The following TUT4 variants were observed in gnomAD, a reference collection of about 807,000 sequenced individuals.
The protein encoded by TUT4 is terminal uridylyl transferase 4, also known as terminal uridylyltransferase 4.
In TUT4, 36 loss-of-function variants were observed where a neutral mutation model predicts 192.2. The observed-to-expected ratio is 0.19, with a 90% CI of 0.14 to 0.25. The LOEUF is 0.25. Ranked by LOEUF, TUT4 falls within the 10% of genes least tolerant of loss-of-function variation. The pLI is 1.00. For missense variants in TUT4, 1,493 were observed against 1,957.2 expected, an observed-to-expected ratio of 0.76 and a Z score of 4.47; for synonymous variants, 618 against 666.0, an observed-to-expected ratio of 0.93 and a Z score of 1.11.
At chr1:52,536,882 T>C (rs539241414) in intron 1 of TUT4, among the ~76,000 whole-genome samples, 1 of 149,072 alleles carries the variant, frequency 6.7e-6, no homozygotes, top group South Asian at 2.1e-4. Flanking sequence ...TTTTAAAAAA[T>C]AGGCCGGGCG....
At position 52,423,568 on chromosome 1, in the gene TUT4, A is replaced by G. The variant is rs1277189736; in HGVS notation, c.*367T>C. On this transcript the variant is annotated 3_prime_UTR_variant, in exon 30 of 30. Transcript: ENST00000257177. ...CAAAGTATGAATACAGCTAATAGAA[A>G]ATAAAGAATGTAATTTTTTAAATTC... is the stretch of plus-strand genomic sequence containing the variant. 3.4e-6 allele frequency: 1 copy of G among 298,014 alleles called. No individual in the cohort carries two copies. Among genetic ancestry groups the G allele is most frequent in the East Asian group, 9.0e-5 (1 of 11,106 alleles). The allele number at this position is 298,014 out of a possible 1,614,324, so 18.5% of individuals were successfully genotyped here. A position where few individuals can be genotyped will look rare whatever the true frequency, so the allele number is the denominator to read the frequency against.
chr1:52,524,578 C>T (rs775939317), intron 2 of TUT4, among the ~76,000 whole-genome samples: 2 of 151,676 alleles, frequency 1.3e-5, no homozygotes, highest in South Asian at 2.1e-4. Context: ...GAGGCCAAGG[C>T]AGGCAGATCA....
At position 52,452,897 on chromosome 1, in the gene TUT4, T is replaced by C. The variant is rs549660488; in HGVS notation, c.3435+5439A>G. ...CTAGACTTGCAACTGGTGTCTAAAC[T>C]GGGGATAGTCTTGTGGGACTGAGCC... On this transcript the variant is annotated intron_variant, in intron 20 of 29. Coordinates refer to ENST00000257177, the MANE Select transcript of TUT4 (RefSeq NM_001009881.3). Among the ~76,000 whole-genome samples the C allele has an allele frequency of 2.0e-4, 30 of 152,270 alleles. 2 individuals are homozygous for C. In the South Asian group the frequency reaches 5.8e-3, roughly 29 times the overall value.
intron 3 of TUT4, among the ~76,000 whole-genome samples, chr1:52,511,664 C>T (rs1260929842): frequency 2.0e-5 from 3 of 152,028 alleles, no homozygotes; most frequent in Non-Finnish European, 4.4e-5. Flanking sequence ...AATGCCAAGG[C>T]CCTGAGGCAG....
chr1:52,475,384 T>C lies in TUT4; in HGVS notation c.2175A>G (p.Arg725=). ...GNKSTVDFKK[R]EKGKISNKKP... is the part of the protein sequence containing the mutation. Reference sequence around the variant, plus strand: ...TCTTATTGCTTATTTTCCCCTTCTCTCTTTTCTTGAAATCCACTGTAGACT... The same window carrying C: ...TCTTATTGCTTATTTTCCCCTTCTCCCTTTTCTTGAAATCCACTGTAGACT... The change falls in exon 13 of 30, where the codon AGA becomes AGG. Residue 725 remains arginine, a synonymous_variant. Coordinates refer to ENST00000257177, the MANE Select transcript of TUT4 (RefSeq NM_001009881.3). 1.2e-6 allele frequency: 2 copies of C among 1,614,162 alleles called. No individual in the cohort carries two copies. The highest frequency in any genetic ancestry group is 1.7e-6 in the Non-Finnish European group (2 of 1,180,030).
intron 11 of TUT4, among the ~76,000 whole-genome samples, chr1:52,478,453 A>G (rs1338978381): frequency 4.6e-5 from 7 of 152,238 alleles, no homozygotes; most frequent in African/African-American, 1.7e-4. Flanking sequence ...ACACTTATAC[A>G]TAAGGTTTAC....
intron 1 of TUT4, among the ~76,000 whole-genome samples, chr1:52,540,707 A>G (rs902326380): frequency 1.3e-5 from 2 of 152,142 alleles, no homozygotes; most frequent in African/African-American, 4.8e-5. Flanking sequence ...ATATGACTAC[A>G]AGAAACATGA....
intron 1 of TUT4, among the ~76,000 whole-genome samples, chr1:52,550,077 G>A (rs531060633): frequency 2.0e-5 from 3 of 152,110 alleles, no homozygotes; most frequent in African/African-American, 4.8e-5. Context: ...AGAGTGTGTG[G>A]TTTATTTGAA....
intron 1 of TUT4, among the ~76,000 whole-genome samples, chr1:52,545,966 C>CAA (rs71041901): frequency 0.013 from 904 of 72,274 alleles, 14 homozygotes; most frequent in East Asian, 0.078. Context: ...TACAAAAATA[C>CAA]AAAAAAAAAA....
At chr1:52,505,523 G>C (rs1017415454) in intron 4 of TUT4, among the ~76,000 whole-genome samples, 2 of 145,232 alleles carry the variant, frequency 1.4e-5, no homozygotes, top group African/African-American at 5.2e-5. Context: ...TGGGATTCAA[G>C]CGATTCTCCT....
chr1:52,509,004 T>C (rs1442565941), intron 4 of TUT4, among the ~76,000 whole-genome samples: 1 of 152,210 alleles, frequency 6.6e-6, no homozygotes, highest in Admixed American at 6.5e-5. Context: ...AAGTTACTCA[T>C]ATGCCATGCC....
chr1:52,515,603 G>A, intron 3 of TUT4: 2 of 496,688 alleles, frequency 4.0e-6, no homozygotes, highest in Non-Finnish European at 7.1e-6. Context: ...AAACGGTGGG[G>A]AGACTAGGTG....
chr1:52,447,317 C>G (rs373437675), intron 20 of TUT4, among the ~76,000 whole-genome samples: 1 of 151,808 alleles, frequency 6.6e-6, no homozygotes, highest in African/African-American at 2.4e-5. Context: ...GGCGTGGTGG[C>G]GTGCACCTGT....
At chr1:52,428,063 C>CTT (rs1400928329) in intron 28 of TUT4, among the ~76,000 whole-genome samples, 2 of 151,944 alleles carry the variant, frequency 1.3e-5, no homozygotes, top group East Asian at 3.9e-4. Context: ...TCTACAGTGC[C>CTT]TTATAGTTAA....
chr1:52,544,796 C>T (rs185267664), intron 1 of TUT4, among the ~76,000 whole-genome samples: 17 of 152,178 alleles, frequency 1.1e-4, no homozygotes, highest in African/African-American at 3.6e-4. Flanking sequence ...GTGGCTCACA[C>T]CTATAATCCC....
chr1:52,464,585 G>A (rs965031481), intron 16 of TUT4, among the ~76,000 whole-genome samples: 1 of 151,850 alleles, frequency 6.6e-6, no homozygotes, highest in African/African-American at 2.4e-5. Flanking sequence ...TTGCTTCTAT[G>A]GAAAAAATTT....
chr1:52,472,143 G>A, intron 13 of TUT4, 41 bp from the exon 14 acceptor site: 1 of 1,584,686 alleles, frequency 6.3e-7, no homozygotes, highest in Non-Finnish European at 8.6e-7. Context: ...ATAAACTTTT[G>A]AGGGACTTCA....
chr1:52,528,223 C>T (rs1682362387), intron 1 of TUT4, among the ~76,000 whole-genome samples: 1 of 150,290 alleles, frequency 6.7e-6, no homozygotes, highest in South Asian at 2.1e-4. Flanking sequence ...AGGCCAGGCA[C>T]ATGGCTCACA....
intron 15 of TUT4, among the ~76,000 whole-genome samples, chr1:52,465,764 A>G (rs1663941956): frequency 6.6e-6 from 1 of 152,244 alleles, no homozygotes; most frequent in African/African-American, 2.4e-5. Flanking sequence ...ATTATAGTCC[A>G]CTTGATATAA....
Sources: allele counts gnomAD v4.1 joint callset (sites outside exome capture counted in the v4.1 genomes callset), GRCh38; gene constraint gnomAD v4.1.1; transcripts MANE v1.5; gene names NCBI Gene and HGNC (gene_info 2026-07-23, HGNC 2026-07-21).